The following STPG2 variants were observed in gnomAD, a reference collection of about 807,000 sequenced individuals.
The protein encoded by STPG2 is sperm-tail PG-rich repeat-containing protein 2.
STPG2 carries 56 observed loss-of-function variants against 54.2 expected under a neutral mutation model. The observed-to-expected ratio is 1.03, with a 90% CI of 0.83 to 1.29. The LOEUF is 1.29. STPG2 is among the 50% of genes most tolerant of loss of function. The pLI is 0.00. For synonymous variants in STPG2, 200 were observed against 181.8 expected, an observed-to-expected ratio of 1.10 and a Z score of -0.81; for missense variants, 596 against 544.9, an observed-to-expected ratio of 1.09 and a Z score of -0.93.
intron 10 of STPG2, among the ~76,000 whole-genome samples, chr4:97,668,419 A>T (rs1427041955): frequency 6.6e-6 from 1 of 152,190 alleles, no homozygotes; most frequent in African/African-American, 2.4e-5. Context: ...ATGAACATTG[A>T]AATGATCAGA....
intron 5 of STPG2, among the ~76,000 whole-genome samples, chr4:98,051,399 C>A (rs1737315127): frequency 1.3e-5 from 2 of 151,998 alleles, no homozygotes; most frequent in Non-Finnish European, 2.9e-5. Context: ...TCCCCACATT[C>A]ATATGTTGAT....
intron 9 of STPG2, among the ~76,000 whole-genome samples, chr4:97,837,288 G>T (rs1035315462): frequency 6.6e-6 from 1 of 151,566 alleles, no homozygotes; most frequent in Non-Finnish European, 1.5e-5. Context: ...TTGCCAACCT[G>T]CCCTTAAGAA....
rs902778684 is a variant in STPG2, at chr4:97,967,079, G to T, written c.933+5201C>A. 6.0e-5 allele frequency among the ~76,000 whole-genome samples: 9 copies of T among 151,104 alleles called. No homozygotes were observed. In the South Asian group the frequency reaches 1.7e-3, roughly 28 times the overall value. ...CACAGATGGGCAAATTGGATAAAGG[G>T]TCAAGACTACCAGTGTACTGTATTC... is the stretch of plus-strand genomic sequence containing the variant. On this transcript the variant is annotated intron_variant, in intron 7 of 10. Coordinates refer to ENST00000295268, the MANE Select transcript of STPG2 (RefSeq NM_174952.3).
chr4:97,642,060 T>C (rs542852858), intron 10 of STPG2, among the ~76,000 whole-genome samples: 18 of 151,550 alleles, frequency 1.2e-4, no homozygotes, highest in Non-Finnish European at 2.5e-4. Flanking sequence ...CAAATTATTG[T>C]ATTGGCAATA....
At chr4:97,481,077 T>A (rs1030789589) in intron 4 of STPG2, among the ~76,000 whole-genome samples, 2 of 151,544 alleles carry the variant, frequency 1.3e-5, no homozygotes, top group Non-Finnish European at 3.0e-5. Context: ...TTGTTTTACA[T>A]GGCATGACAT....
intron 8 of STPG2, among the ~76,000 whole-genome samples, chr4:97,910,764 A>G (rs1731647844): frequency 6.6e-6 from 1 of 152,242 alleles, no homozygotes. Context: ...AACAAATGCT[A>G]GAAGTATCTG....
chr4:97,455,581 C>T (rs1259463880), intron 4 of STPG2, among the ~76,000 whole-genome samples: 1 of 152,202 alleles, frequency 6.6e-6, no homozygotes, highest in Admixed American at 6.5e-5. Flanking sequence ...CTTCCCACTA[C>T]ATCCCCTTCT....
chr4:97,541,668 C>T (rs922691699), intron 4 of STPG2, among the ~76,000 whole-genome samples: 2 of 151,960 alleles, frequency 1.3e-5, no homozygotes, highest in African/African-American at 4.8e-5. Context: ...GCCAAGTCAA[C>T]CCTAAGCCAA....
chr4:97,611,255 C>T (rs1733723330), intron 10 of STPG2, among the ~76,000 whole-genome samples: 2 of 151,058 alleles, frequency 1.3e-5, no homozygotes, highest in African/African-American at 4.9e-5. Flanking sequence ...GTCAAGAAAA[C>T]CATGATCCCT....
Position 98,009,788 on chromosome 4 carries a change from C to T in STPG2, c.613-28470G>A, listed in dbSNP as rs577441187. On this transcript the variant is annotated intron_variant, in intron 5 of 10. Transcript: ENST00000295268. The stretch of plus-strand genomic sequence containing the variant: ...TGAGTGCAGATAATTTTACTATTAT[C>T]ACATCCTTTTGATGAGTTGGCCCCT... 1.3e-3 allele frequency among the ~76,000 whole-genome samples: 205 copies of T among 152,104 alleles called. 1 individual carries two copies. The highest frequency in any genetic ancestry group is 2.6e-3 in the Non-Finnish European group (179 of 67,918).
intron 4 of STPG2, among the ~76,000 whole-genome samples, chr4:97,506,961 CTT>C (rs997400607): frequency 1.3e-5 from 2 of 151,942 alleles, no homozygotes; most frequent in African/African-American, 4.8e-5. Context: ...GTAATCCAAA[CTT>C]GAAAATCATA....
At chr4:97,450,727 G>A (rs756551647) in intron 4 of STPG2, among the ~76,000 whole-genome samples, 37 of 152,116 alleles carry the variant, frequency 2.4e-4, no homozygotes, top group Admixed American at 3.9e-4. Flanking sequence ...ACCTAAGTAG[G>A]CCATGTTAAG....
chr4:98,046,367 A>C (rs965815290), intron 5 of STPG2, among the ~76,000 whole-genome samples: 8 of 152,120 alleles, frequency 5.3e-5, no homozygotes, highest in Admixed American at 4.6e-4. Flanking sequence ...TTTCATTTGG[A>C]ACATATTTCC....
chr4:97,498,580 C>A (rs1730659068), intron 4 of STPG2, among the ~76,000 whole-genome samples: 1 of 150,146 alleles, frequency 6.7e-6, no homozygotes, highest in Non-Finnish European at 1.5e-5. Context: ...GAAATTTCCA[C>A]AGTAAAATCT....
chr4:97,568,057 G>A (rs1434568579), intron 10 of STPG2, among the ~76,000 whole-genome samples: 2 of 152,086 alleles, frequency 1.3e-5, no homozygotes, highest in Non-Finnish European at 2.9e-5. Context: ...CATAGTGGAT[G>A]CAAACAGTGA....
In STPG2 at chr4:97,535,255, T is replaced by C. The variant is rs1466347022; in HGVS notation, c.462+177444A>G. On this transcript the variant is annotated intron_variant, in intron 4 of 4. Coordinates refer to the STPG2 transcript ENST00000522676. The stretch of plus-strand genomic sequence containing the variant: ...ATGGTAAATTCCCACTAAAAATTTA[T>C]GAATATTCCAGTTGCTCTGCAGCTC... Among the ~76,000 whole-genome samples, 5 of 152,226 alleles carry C rather than the reference T, an allele frequency of 3.3e-5. No homozygotes were observed. The East Asian group carries it at 9.6e-4, about 29-fold the overall frequency.
At chr4:98,048,586 C>A in intron 5 of STPG2, 1 of 180,510 alleles carries the variant, frequency 5.5e-6, no homozygotes, top group Non-Finnish European at 1.2e-5. Context: ...CCTGCCATTT[C>A]CCTCAAGAAG....
intron 3 of STPG2, among the ~76,000 whole-genome samples, chr4:98,116,653 AATGAAGAT>A (rs1739532780): frequency 6.6e-6 from 1 of 151,924 alleles, no homozygotes; most frequent in South Asian, 2.1e-4. Flanking sequence ...TAAATATCTT[AATGAAGAT>A]TAATTGTCAC....
At chr4:98,089,525 G>T (rs1442735239) in intron 5 of STPG2, among the ~76,000 whole-genome samples, 1 of 151,254 alleles carries the variant, frequency 6.6e-6, no homozygotes, top group Non-Finnish European at 1.5e-5. Context: ...ATGTGCATGT[G>T]TTTTTTTTCA....
Sources: gnomAD v4.1 joint callset for allele counts (sites outside exome capture counted in the v4.1 genomes callset) on GRCh38, gnomAD v4.1.1 for gene constraint, MANE v1.5 for transcripts, NCBI Gene and HGNC (gene_info 2026-07-23, HGNC 2026-07-21) for gene names.